Variants in FLOT2 observed in about 807,000 individuals in gnomAD.
FLOT2 encodes flotillin 2.
FLOT2 carries 35 observed loss-of-function variants against 54.9 expected under a neutral mutation model. That is an observed-to-expected ratio of 0.64 (90% CI 0.49 to 0.84). The LOEUF (loss-of-function observed/expected upper bound fraction) is 0.84, where lower values mean the gene tolerates loss of function less well. Ranked by LOEUF, FLOT2 falls within the 40% of genes least tolerant of loss-of-function variation. The pLI is 0.00. For synonymous variants in FLOT2, 207 were observed against 228.9 expected (o/e 0.90, Z 0.86); for missense variants, 464 against 572.1 (o/e 0.81, Z 1.93).
In FLOT2 at chr17:28,880,396, C is replaced by T. The variant is rs2039425741; in HGVS notation, c.*165G>A. The T allele has an allele frequency of 1.4e-6, 2 of 1,479,302 alleles. No individual in the cohort carries two copies. Among genetic ancestry groups the T allele is most frequent in the African/African-American group, 1.4e-5 (1 of 70,978 alleles). The allele number at this position is 1,479,302 out of a possible 1,614,324, so 91.6% of individuals were successfully genotyped here. A position where few individuals can be genotyped will look rare whatever the true frequency, so the allele number is the denominator to read the frequency against. On this transcript the variant is annotated 3_prime_UTR_variant, in exon 11 of 11. Transcript: ENST00000394908. The stretch of plus-strand genomic sequence containing the variant: ...AGAGGAAGAGGAGGAGGTGGACAGA[C>T]AGGAGAGACAGGAAGACAGCCAGAG...
At position 28,885,507 on chromosome 17, in the gene FLOT2, C is replaced by A. The variant is rs562234310; in HGVS notation, c.132-1192G>T. The A allele has an allele frequency of 1.3e-4, 91 of 698,376 alleles. No individual in the cohort carries two copies. The South Asian group carries it at 1.4e-3, about 11-fold the overall frequency. The allele number at this position is 698,376 out of a possible 1,614,324, so 43.3% of individuals were successfully genotyped here. A position where few individuals can be genotyped will look rare whatever the true frequency, so the allele number is the denominator to read the frequency against. The stretch of plus-strand genomic sequence containing the variant: ...GAAGCAATGAAGAGGGGAACCCACA[C>A]ATGACAGAGTAAGCATTTGGAGCTA... On this transcript the variant is annotated intron_variant, in intron 2 of 10. Transcript: ENST00000394908.
intron 8 of FLOT2, 114 bp from the exon 9 acceptor site, chr17:28,881,489 G>T: frequency 8.7e-7 from 1 of 1,146,262 alleles, no homozygotes; most frequent in Non-Finnish European, 1.3e-6. Flanking sequence ...CGGGGTGGGA[G>T]ACATTGGAAC....
intron 1 of FLOT2, among the ~76,000 whole-genome samples, chr17:28,889,353 A>G (rs1017287642): frequency 6.6e-6 from 1 of 151,974 alleles, no homozygotes; most frequent in Non-Finnish European, 1.5e-5. Flanking sequence ...TTTTTCAGAC[A>G]GAATGTCACT....
chr17:28,893,861 T>C (rs979757245), intron 1 of FLOT2, among the ~76,000 whole-genome samples: 1 of 152,248 alleles, frequency 6.6e-6, no homozygotes, highest in African/African-American at 2.4e-5. Context: ...GAAACCCCTG[T>C]TACGTATCCC....
intron 8 of FLOT2, 114 bp from the exon 9 acceptor site, chr17:28,881,489 G>A: frequency 2.6e-6 from 3 of 1,146,266 alleles, no homozygotes; most frequent in Non-Finnish European, 3.8e-6. Context: ...CGGGGTGGGA[G>A]ACATTGGAAC....
rs147884885 is a variant in FLOT2, at chr17:28,895,994, G to GC, written c.49+1531dup. ...CGCAGGAGTCCACACACAAGAGGGAGCTGGATCTCAGCTTGATCATCTCAA... is the reference window on the plus strand; with the variant it reads ...CGCAGGAGTCCACACACAAGAGGGAGCCTGGATCTCAGCTTGATCATCTCAA... On this transcript the variant is annotated intron_variant, in intron 1 of 10. Transcript: ENST00000394908. 5.1e-3 allele frequency among the ~76,000 whole-genome samples: 780 copies of GC among 152,300 alleles called. 6 individuals carry two copies. The highest frequency in any genetic ancestry group is 0.018 in the African/African-American group (746 of 41,556).
At chr17:28,885,603 G>A in intron 2 of FLOT2, 1 of 717,498 alleles carries the variant, frequency 1.4e-6, no homozygotes, top group Non-Finnish European at 2.6e-6. Flanking sequence ...GGCATCCAGG[G>A]ACACTCACTG....
chr17:28,897,698 C>G lies in FLOT2; in HGVS notation c.-124G>C. On this transcript the variant is annotated 5_prime_UTR_variant, in exon 1 of 11. Coordinates refer to ENST00000394908, the MANE Select transcript of FLOT2 (RefSeq NM_004475.3). The surrounding 1 kb of genome is among the most constrained non-coding windows in gnomAD (Gnocchi z 4.4). The stretch of plus-strand genomic sequence containing the variant: ...GCGGCCGGCCGCCCGCTCGCTCGCC[C>G]GCGCCCCTCTGCGGTCGCAGCCCCG... The G allele has an allele frequency of 3.5e-6, 3 of 865,610 alleles. No individual in the cohort carries two copies. The highest frequency in any genetic ancestry group is 4.7e-5 in the South Asian group (1 of 21,484). 53.6% of individuals were successfully genotyped at this position (865,610 alleles called of 1,614,324 possible).
chr17:28,882,653 G>C lies in FLOT2; in HGVS notation c.385C>G (p.Gln129Glu). 1 of 1,613,676 alleles carries C rather than the reference G, an allele frequency of 6.2e-7. No individual in the cohort carries two copies. Among genetic ancestry groups the C allele is most frequent in the Non-Finnish European group, 8.5e-7 (1 of 1,179,870 alleles). The stretch of plus-strand genomic sequence containing the variant: ...ACCTCCCGCACCAGCTTGGCAAACT[G>C]GTCCCGGTCCTGATAAATCTGCTCC... ...TVEQIYQDRD[Q>E]FAKLVREVAA... The change falls in exon 5 of 11, where the codon CAG becomes GAG. Residue 129 changes from glutamine (Q) to glutamate (E), a missense_variant. Transcript: ENST00000394908. This position sits in a 1 kb window ranked among gnomAD's most constrained non-coding sequence, Gnocchi z 5.6.
At chr17:28,888,113 T>C (rs1156683482) in intron 2 of FLOT2, among the ~76,000 whole-genome samples, 1 of 152,236 alleles carries the variant, frequency 6.6e-6, no homozygotes, top group Non-Finnish European at 1.5e-5. Flanking sequence ...CCCACAGCTC[T>C]GCTGCCCTTG....
At chr17:28,885,999 G>C (rs894567785) in intron 2 of FLOT2, 1 of 1,067,990 alleles carries the variant, frequency 9.4e-7, no homozygotes, top group African/African-American at 1.8e-5. Context: ...GGGAAGGAGG[G>C]GACACAGCAA....
chr17:28,897,521 C>G lies in FLOT2; in HGVS notation c.49+5G>C. On this transcript the variant is annotated splice_donor_5th_base_variant and intron_variant, in intron 1 of 10. Transcript: ENST00000394908. The surrounding 1 kb of genome is among the most constrained non-coding windows in gnomAD (Gnocchi z 4.4). ...CAGCTCCCACCTTCCTCGCCGCCCC[C>G]TCACCTGAAACCACCAGCGCCTCGT... 1 of 1,605,404 alleles carries G rather than the reference C, an allele frequency of 6.2e-7. No homozygotes were observed. The highest frequency in any genetic ancestry group is 8.5e-7 in the Non-Finnish European group (1 of 1,176,270).
In FLOT2 at chr17:28,880,348, T is replaced by C. The variant is rs540283318; in HGVS notation, c.*213A>G. Reference sequence around the variant, plus strand: ...AGATGAGACACAAACCTGATGAAAGTGGCAGTGAAAGTGGGGTAAAGGAGA... The same window carrying C: ...AGATGAGACACAAACCTGATGAAAGCGGCAGTGAAAGTGGGGTAAAGGAGA... On this transcript the variant is annotated 3_prime_UTR_variant, in exon 11 of 11. Coordinates refer to ENST00000394908, the MANE Select transcript of FLOT2 (RefSeq NM_004475.3). 395 of 1,403,994 alleles carry C rather than the reference T, an allele frequency of 2.8e-4. No homozygotes were observed. Among genetic ancestry groups the C allele is most frequent in the Non-Finnish European group, 2.4e-4 (254 of 1,080,674 alleles). 87.0% of individuals were successfully genotyped at this position (1,403,994 alleles called of 1,614,324 possible).
Position 28,879,395 on chromosome 17 carries a change from A to C in FLOT2, c.*1166T>G. On this transcript the variant is annotated 3_prime_UTR_variant, in exon 11 of 11. Transcript: ENST00000394908. Reference sequence around the variant, plus strand: ...GGGACAGGCAGTGGGGCAGTGCAACATCCAAGCCCCAGACCAGACATGCAG... The same window carrying C: ...GGGACAGGCAGTGGGGCAGTGCAACCTCCAAGCCCCAGACCAGACATGCAG... 3.0e-6 allele frequency: 3 copies of C among 988,220 alleles called. No individual in the cohort carries two copies. Among genetic ancestry groups the C allele is most frequent in the Non-Finnish European group, 3.6e-6 (3 of 830,252 alleles). 61.2% of individuals were successfully genotyped at this position (988,220 alleles called of 1,614,324 possible).
Position 28,888,977 on chromosome 17 carries a change from G to T in FLOT2, c.99C>A (p.Ala33=). The T allele has an allele frequency of 6.2e-7, 1 of 1,614,192 alleles. No homozygotes were observed. The change falls in exon 2 of 11, where the codon GCC becomes GCA. Residue 33 remains alanine (A), a synonymous_variant. Coordinates refer to ENST00000394908, the MANE Select transcript of FLOT2 (RefSeq NM_004475.3). ...DYKQYVFGGW[A]WAWWCISDTQ... is the part of the protein sequence containing the mutation. ...TGTCGGAGATACACCACCAGGCCCA[G>T]GCCCAGCCGCCAAACACGTACTGTT...
At position 28,897,373 on chromosome 17, in the gene FLOT2, G is replaced by T; in HGVS notation, c.49+153C>A. On this transcript the variant is annotated intron_variant, in intron 1 of 10. Coordinates refer to ENST00000394908, the MANE Select transcript of FLOT2 (RefSeq NM_004475.3). This position sits in a 1 kb window ranked among gnomAD's most constrained non-coding sequence, Gnocchi z 4.4. ...CGCAGCAAGGAAAGCGTGAGCACGA[G>T]ATCTCTCTTGGAAGGGGCCTCAGGT... The T allele has an allele frequency of 1.6e-6, 1 of 641,376 alleles. No individual in the cohort carries two copies. The highest frequency in any genetic ancestry group is 2.6e-6 in the Non-Finnish European group (1 of 392,034). The allele number at this position is 641,376 out of a possible 1,614,324, so 39.7% of individuals were successfully genotyped here. A position where few individuals can be genotyped will look rare whatever the true frequency, so the allele number is the denominator to read the frequency against.
In FLOT2 at chr17:28,881,799, C is replaced by T. The variant is rs1286375643; in HGVS notation, c.914+15G>A. On this transcript the variant is annotated intron_variant, in intron 8 of 10. Coordinates refer to ENST00000394908, the MANE Select transcript of FLOT2 (RefSeq NM_004475.3). ...CCTGACTAAGCCCTGACCCCGGCACCTGGGCGGCTCTCACTTTTCACCCTC... is the reference window on the plus strand; with the variant it reads ...CCTGACTAAGCCCTGACCCCGGCACTTGGGCGGCTCTCACTTTTCACCCTC... 6.2e-7 allele frequency: 1 copy of T among 1,611,530 alleles called. No individual in the cohort carries two copies. Among genetic ancestry groups the T allele is most frequent in the Admixed American group, 1.7e-5 (1 of 60,010 alleles).
Position 28,880,406 on chromosome 17 carries a change from A to G in FLOT2, c.*155T>C, listed in dbSNP as rs2087605834. On this transcript the variant is annotated 3_prime_UTR_variant, in exon 11 of 11. Transcript: ENST00000394908. ...GAGGAGGTGGACAGACAGGAGAGACAGGAAGACAGCCAGAGATGGCCTGAA... is the reference window on the plus strand; with the variant it reads ...GAGGAGGTGGACAGACAGGAGAGACGGGAAGACAGCCAGAGATGGCCTGAA... 8 of 1,495,046 alleles carry G rather than the reference A, an allele frequency of 5.4e-6. No individual in the cohort carries two copies. The allele number at this position is 1,495,046 out of a possible 1,614,324, so 92.6% of individuals were successfully genotyped here.
Position 28,884,189 on chromosome 17 carries a change from T to G in FLOT2, c.222+36A>C. ...GAACCCGAGTACGGGACCAGGCAGC[T>G]CAACGGACATGCGCAGGGCTGCTGA... On this transcript the variant is annotated intron_variant, in intron 3 of 10. Transcript: ENST00000394908. This position sits in a 1 kb window ranked among gnomAD's most constrained non-coding sequence, Gnocchi z 5.1. The G allele has an allele frequency of 6.8e-7, 1 of 1,474,970 alleles. No individual in the cohort carries two copies. The highest frequency in any genetic ancestry group is 9.5e-7 in the Non-Finnish European group (1 of 1,053,744). 91.4% of individuals were successfully genotyped at this position (1,474,970 alleles called of 1,614,324 possible).
Sources: gnomAD v4.1 joint callset for allele counts (sites outside exome capture counted in the v4.1 genomes callset) on GRCh38, gnomAD v4.1.1 for gene constraint, Gnocchi (gnomAD v3.1) non-coding constraint, MANE v1.5 for transcripts, NCBI Gene and HGNC (gene_info 2026-07-23, HGNC 2026-07-21) for gene names.